DLEU7: variants seen among roughly 807,000 people sequenced by gnomAD.
DLEU7 encodes the protein deleted in lymphocytic leukemia 7.
A neutral mutation model predicts 16.0 loss-of-function variants in DLEU7; 17 were observed. The ratio of observed to expected loss-of-function variants is 1.06; its 90% CI spans 0.73 to 1.59. DLEU7 has a LOEUF of 1.59. Ranked by LOEUF, DLEU7 falls within the 40% of genes most tolerant of loss-of-function variation. The pLI is 0.00. For synonymous variants in DLEU7, 113 were observed against 139.8 expected (o/e 0.81, Z 1.35); for missense variants, 308 against 314.9 (o/e 0.98, Z 0.17).
intron 1 of DLEU7, among the ~76,000 whole-genome samples, chr13:50,795,536 G>T (rs1322984592): frequency 6.6e-6 from 1 of 152,128 alleles, no homozygotes; most frequent in African/African-American, 2.4e-5. Flanking sequence ...GAAGGACATT[G>T]TATGCCACAA....
At chr13:50,766,244 C>T (rs1875103686) in intron 1 of DLEU7, among the ~76,000 whole-genome samples, 1 of 152,142 alleles carries the variant, frequency 6.6e-6, no homozygotes, top group Non-Finnish European at 1.5e-5. Context: ...TACTGTCAGC[C>T]CAAATTGCTC....
At chr13:50,796,051 A>C (rs2137777550) in intron 1 of DLEU7, among the ~76,000 whole-genome samples, 1 of 148,590 alleles carries the variant, frequency 6.7e-6, no homozygotes, top group African/African-American at 2.5e-5. Context: ...CTTTTTTCTC[A>C]GCATACCACC....
intron 1 of DLEU7, among the ~76,000 whole-genome samples, chr13:50,754,170 GTA>G (rs1175605972): frequency 1.3e-5 from 2 of 152,202 alleles, no homozygotes; most frequent in African/African-American, 4.8e-5. Flanking sequence ...GAAATGTTCT[GTA>G]TATATCTGTT....
At chr13:50,806,445 T>C (rs1876392122) in intron 1 of DLEU7, among the ~76,000 whole-genome samples, 1 of 151,296 alleles carries the variant, frequency 6.6e-6, no homozygotes. Context: ...TGCAATTCTT[T>C]TAGTGATTAT....
Position 50,843,225 on chromosome 13 carries a change from G to C in DLEU7, c.422C>G (p.Pro141Arg). 6.3e-7 allele frequency: 1 copy of C among 1,593,510 alleles called. No individual in the cohort carries two copies. The highest frequency in any genetic ancestry group is 1.4e-5 in the African/African-American group (1 of 72,894). Residue 141 changes from proline to arginine, a missense_variant, in exon 1 of 2, where the codon CCC (proline) becomes CGC (arginine). Physicochemically the swap from Pro to Arg is moderately radical, Grantham distance 103 (BLOSUM62 -2). Coordinates refer to ENST00000504404, the MANE Select transcript of DLEU7 (RefSeq NM_001306135.2). The surrounding 1 kb of genome is among the most constrained non-coding windows in gnomAD (Gnocchi z 5.7). The part of the protein sequence containing the change: ...LVSVEQTLLG[P>R]LQQERSFPIH... ...GGGAAAGGACCGCTCCTGCTGGAGG[G>C]GCCCCAGCAGCGTCTGCTCCACGCT...
intron 1 of DLEU7, among the ~76,000 whole-genome samples, chr13:50,734,316 C>G (rs1407192076): frequency 6.6e-6 from 1 of 152,188 alleles, no homozygotes; most frequent in Non-Finnish European, 1.5e-5. Flanking sequence ...GTACTACTAA[C>G]CTTTGAAGTT....
At chr13:50,833,168 A>G (rs1877334636) in intron 1 of DLEU7, among the ~76,000 whole-genome samples, 1 of 152,232 alleles carries the variant, frequency 6.6e-6, no homozygotes, top group Non-Finnish European at 1.5e-5. Context: ...CACCACTCCT[A>G]TTCAACATAG....
intron 1 of DLEU7, among the ~76,000 whole-genome samples, chr13:50,779,630 G>A (rs1875598432): frequency 6.6e-6 from 1 of 152,092 alleles, no homozygotes; most frequent in Non-Finnish European, 1.5e-5. Context: ...TTATCAAGAG[G>A]TGCAATCCCT....
At chr13:50,814,678 TACACACACACAC>T (rs59737244) in intron 1 of DLEU7, among the ~76,000 whole-genome samples, 8 of 140,230 alleles carry the variant, frequency 5.7e-5, no homozygotes, top group Admixed American at 1.4e-4. Flanking sequence ...TACATAGAAC[TACACACACACAC>T]ACACACACAC....
intron 1 of DLEU7, among the ~76,000 whole-genome samples, chr13:50,784,386 T>C (rs1875742958): frequency 6.6e-6 from 1 of 152,202 alleles, no homozygotes; most frequent in Non-Finnish European, 1.5e-5. Flanking sequence ...TCCATCTGCA[T>C]ATCTGCCTTA....
chr13:50,812,375 T>C (rs1201939132), intron 1 of DLEU7, among the ~76,000 whole-genome samples: 2 of 152,142 alleles, frequency 1.3e-5, no homozygotes, highest in Non-Finnish European at 2.9e-5. Flanking sequence ...CGGGTTTGAC[T>C]GACATTCTTC....
intron 1 of DLEU7, among the ~76,000 whole-genome samples, chr13:50,737,440 C>T (rs1013748593): frequency 2.6e-5 from 4 of 152,238 alleles, no homozygotes; most frequent in Middle Eastern, 3.4e-3. Context: ...AACCTTGCAT[C>T]AGCAAGTCTA....
chr13:50,722,513 AT>A (rs2137708225), intron 1 of DLEU7, among the ~76,000 whole-genome samples: 1 of 152,274 alleles, frequency 6.6e-6, no homozygotes, highest in East Asian at 1.9e-4. Context: ...TCTATGTATT[AT>A]TTTTCTGCTT....
chr13:50,766,706 G>A (rs1875123012), intron 1 of DLEU7, among the ~76,000 whole-genome samples: 1 of 152,154 alleles, frequency 6.6e-6, no homozygotes, highest in Non-Finnish European at 1.5e-5. Flanking sequence ...TCCCTGCACA[G>A]CCAGTTTAAA....
chr13:50,806,428 T>C (rs1876391621), intron 1 of DLEU7, among the ~76,000 whole-genome samples: 2 of 152,080 alleles, frequency 1.3e-5, no homozygotes, highest in Admixed American at 1.3e-4. Context: ...AATGATTTTA[T>C]GACTTCTGCA....
At chr13:50,831,258 C>A (rs964501254) in intron 1 of DLEU7, among the ~76,000 whole-genome samples, 3 of 151,974 alleles carry the variant, frequency 2.0e-5, no homozygotes, top group African/African-American at 7.3e-5. Flanking sequence ...GTAGGAATGT[C>A]ACAAAAATAA....
At chr13:50,731,050 T>C (rs1454223076) in intron 1 of DLEU7, among the ~76,000 whole-genome samples, 2 of 152,206 alleles carry the variant, frequency 1.3e-5, no homozygotes, top group East Asian at 3.9e-4. Context: ...AGACAGGTCG[T>C]GGCCCAAGTC....
chr13:50,821,415 A>C (rs1173210401), downstream of DLEU7, among the ~76,000 whole-genome samples: 1 of 152,204 alleles, frequency 6.6e-6, no homozygotes, highest in Non-Finnish European at 1.5e-5. Context: ...GCTATGCAAC[A>C]TACAAAGATG....
intron 1 of DLEU7, among the ~76,000 whole-genome samples, chr13:50,839,467 T>A (rs1045088563): frequency 2.0e-5 from 3 of 152,230 alleles, no homozygotes; most frequent in African/African-American, 7.2e-5. Flanking sequence ...TAAAATCCTA[T>A]TTTTAAATGT....
Sources: allele counts gnomAD v4.1 joint callset (sites outside exome capture counted in the v4.1 genomes callset), GRCh38; gene constraint gnomAD v4.1.1; non-coding constraint Gnocchi (gnomAD v3.1); transcripts MANE v1.5; gene names NCBI Gene and HGNC (gene_info 2026-07-23, HGNC 2026-07-21).